Variants in AVEN observed in about 807,000 individuals in gnomAD.
AVEN encodes the protein cell death regulator Aven.
Under a neutral mutation model 38.1 loss-of-function variants are expected in AVEN, and 41 were observed. That is an observed-to-expected ratio of 1.08 (90% confidence interval 0.84 to 1.40). The LOEUF is 1.40. Among genes scored for constraint, AVEN ranks in the 40% most tolerant of loss-of-function variants. The probability of loss-of-function intolerance (pLI) is 0.00; values close to 1 mark genes in which losing one functional copy is unlikely to be tolerated. For missense variants in AVEN, 605 were observed against 438.8 expected (o/e 1.38, Z -3.38); for synonymous variants, 206 against 171.8 (o/e 1.20, Z -1.56).
chr15:34,009,925 G>T (rs900451774), intron 1 of AVEN, among the ~76,000 whole-genome samples: 2 of 152,074 alleles, frequency 1.3e-5, no homozygotes, highest in African/African-American at 4.8e-5. Flanking sequence ...TCATGACACT[G>T]TACTCCAGCC....
At position 33,872,192 on chromosome 15, in the gene AVEN, G is replaced by C. The variant is rs182008332; in HGVS notation, c.517-1162C>G. Among the ~76,000 whole-genome samples the C allele has an allele frequency of 7.0e-3, 1,066 of 152,284 alleles. 13 individuals carry two copies. Among genetic ancestry groups the C allele is most frequent in the African/African-American group, 0.024 (1,010 of 41,546 alleles). Reference sequence around the variant, plus strand: ...GAGCCAGTCCTGACTGTAGGACAAAGCCTTTCTGTCCCACTTCTCTGCCAT... The same window carrying C: ...GAGCCAGTCCTGACTGTAGGACAAACCCTTTCTGTCCCACTTCTCTGCCAT... On this transcript the variant is annotated intron_variant, in intron 3 of 5. Coordinates refer to ENST00000306730, the MANE Select transcript of AVEN (RefSeq NM_020371.3).
intron 2 of AVEN, among the ~76,000 whole-genome samples, chr15:33,963,476 C>G (rs550725396): frequency 6.6e-6 from 1 of 152,234 alleles, no homozygotes; most frequent in African/African-American, 2.4e-5. Flanking sequence ...GATGCCAGAG[C>G]TGCTGAGAAG....
At chr15:33,902,672 C>T (rs956354577) in intron 2 of AVEN, among the ~76,000 whole-genome samples, 1 of 152,148 alleles carries the variant, frequency 6.6e-6, no homozygotes, top group African/African-American at 2.4e-5. Context: ...AAAGATTCCA[C>T]ATAGTAACAA....
intron 5 of AVEN, among the ~76,000 whole-genome samples, chr15:34,055,097 C>T (rs563365825): frequency 1.3e-5 from 2 of 151,706 alleles, no homozygotes; most frequent in South Asian, 4.2e-4. Context: ...GAGGCTGAGG[C>T]AGGAGAATCA....
At chr15:33,865,273 G>GAAAT (rs755626447), downstream of AVEN, 13 of 1,350,600 alleles carry the variant, frequency 9.6e-6, no homozygotes, top group Non-Finnish European at 7.4e-6. Flanking sequence ...AACTTCCCAT[G>GAAAT]AAATAAAGTC....
chr15:33,963,809 A>AAG (rs1414788130), intron 2 of AVEN, among the ~76,000 whole-genome samples: 49 of 150,662 alleles, frequency 3.3e-4, no homozygotes, highest in Non-Finnish European at 5.5e-4. Flanking sequence ...AAAAAAAAAA[A>AAG]AAAAGAAAAC....
At chr15:34,023,725 T>A (rs1218779925) in intron 1 of AVEN, among the ~76,000 whole-genome samples, 4 of 152,138 alleles carry the variant, frequency 2.6e-5, no homozygotes, top group Admixed American at 6.6e-5. Flanking sequence ...AAAGGCCAGG[T>A]GAGCAGTTAA....
chr15:33,854,643 A>G, downstream of AVEN: 2 of 1,306,720 alleles, frequency 1.5e-6, no homozygotes, highest in South Asian at 2.9e-5. Context: ...GGGCCAGCTC[A>G]CAGCACCTCA....
chr15:34,013,907 C>A (rs532843518), intron 1 of AVEN, among the ~76,000 whole-genome samples: 1 of 152,278 alleles, frequency 6.6e-6, no homozygotes, highest in Non-Finnish European at 1.5e-5. Context: ...ACTGAAGGAA[C>A]GGCTGCTATC....
At chr15:34,075,245 T>C (rs143852550), upstream of AVEN, among the ~76,000 whole-genome samples, 13 of 151,280 alleles carry the variant, frequency 8.6e-5, no homozygotes, top group East Asian at 2.5e-3. Flanking sequence ...GAAAGAAGTT[T>C]AATTTACTCA....
At chr15:33,929,738 A>G (rs912783178) in intron 2 of AVEN, among the ~76,000 whole-genome samples, 2 of 152,226 alleles carry the variant, frequency 1.3e-5, no homozygotes, top group Non-Finnish European at 2.9e-5. Flanking sequence ...TCTTTTAACA[A>G]ATGTCAATTT....
downstream of AVEN, among the ~76,000 whole-genome samples, chr15:33,861,733 C>G (rs1446024195): frequency 1.3e-5 from 2 of 152,074 alleles, no homozygotes; most frequent in South Asian, 2.1e-4. Flanking sequence ...GTTTTCAGGC[C>G]TCATCATGTC....
intron 2 of AVEN, among the ~76,000 whole-genome samples, chr15:33,977,458 CA>C: frequency 6.6e-6 from 1 of 152,288 alleles, no homozygotes; most frequent in East Asian, 1.9e-4. Context: ...ATTCCGGTTT[CA>C]AACCTTGACA....
At chr15:33,880,101 TAACA>T (rs991836843) in intron 2 of AVEN, among the ~76,000 whole-genome samples, 18 of 151,924 alleles carry the variant, frequency 1.2e-4, no homozygotes, top group South Asian at 2.1e-4. Flanking sequence ...AAAACCCTCT[TAACA>T]AACAAACAAA....
chr15:33,853,811 G>A, downstream of AVEN: 3 of 1,177,494 alleles, frequency 2.5e-6, no homozygotes, highest in South Asian at 1.8e-5. Flanking sequence ...TTTCTTCTAG[G>A]TTCTAACACT....
intron 11 of AVEN, chr15:33,860,523 C>G (rs1887796139): frequency 1.2e-6 from 1 of 859,340 alleles, no homozygotes; most frequent in African/African-American, 1.7e-5. Context: ...AACAAAGTAG[C>G]TTCTTCCTTT....
chr15:33,938,922 AC>A (rs201650940), intron 2 of AVEN, among the ~76,000 whole-genome samples: 3,215 of 152,098 alleles, frequency 0.021, 94 homozygotes, highest in African/African-American at 0.065. Context: ...GCTCACTGCA[AC>A]CTCTGCCTTC....
At chr15:33,966,991 ATGGCTTAATAATCAG>A (rs1183492996) in intron 2 of AVEN, among the ~76,000 whole-genome samples, 1 of 152,112 alleles carries the variant, frequency 6.6e-6, no homozygotes, top group Admixed American at 6.5e-5. Context: ...AATCATTGAA[ATGGCTTAATAATCAG>A]TGGCTTAAAA....
intron 2 of AVEN, among the ~76,000 whole-genome samples, chr15:33,950,868 A>T (rs761569051): frequency 1.3e-5 from 2 of 152,152 alleles, no homozygotes; most frequent in Non-Finnish European, 2.9e-5. Flanking sequence ...TTAGCAAGGC[A>T]GGGTGGCTGA....
Sources: allele counts gnomAD v4.1 joint callset (sites outside exome capture counted in the v4.1 genomes callset), GRCh38; gene constraint gnomAD v4.1.1; transcripts MANE v1.5; gene names NCBI Gene and HGNC (gene_info 2026-07-23, HGNC 2026-07-21).